The following TRAPPC10 variants were observed in gnomAD, a reference collection of about 807,000 sequenced individuals.
TRAPPC10 encodes TRAPP 130 kDa subunit.
In TRAPPC10, 23 loss-of-function variants were observed where a neutral mutation model predicts 125.5. That is an observed-to-expected ratio of 0.18 (90% confidence interval 0.13 to 0.26). The LOEUF (loss-of-function observed/expected upper bound fraction) is 0.26, where lower values mean the gene tolerates loss of function less well. Ranked by LOEUF, TRAPPC10 falls within the 10% of genes least tolerant of loss-of-function variation. The probability of loss-of-function intolerance (pLI) is 1.00; values close to 1 mark genes in which losing one functional copy is unlikely to be tolerated. For missense variants in TRAPPC10, 1,123 were observed against 1,308.4 expected, an observed-to-expected ratio of 0.86 and a Z score of 2.19; for synonymous variants, 509 against 518.0, an observed-to-expected ratio of 0.98 and a Z score of 0.24.
At position 44,067,189 on chromosome 21, in the gene TRAPPC10, G is replaced by A. The variant is rs982526941; in HGVS notation, c.1038+3404G>A. On this transcript the variant is annotated intron_variant, in intron 7 of 22. Coordinates refer to ENST00000291574, the MANE Select transcript of TRAPPC10 (RefSeq NM_003274.5). Reference sequence around the variant, plus strand: ...GAGGAACCGTGCATGGGACGCCGTCGGAGTTAGCTGGCCGGTTTGTGAACA... The same window carrying A: ...GAGGAACCGTGCATGGGACGCCGTCAGAGTTAGCTGGCCGGTTTGTGAACA... Among the ~76,000 whole-genome samples the A allele has an allele frequency of 3.3e-5, 5 of 152,194 alleles. No individual in the cohort carries two copies. In the South Asian group the frequency reaches 6.2e-4, roughly 19 times the overall value.
At chr21:44,062,881 T>C (rs1416786523) in intron 6 of TRAPPC10, 1 of 985,352 alleles carries the variant, frequency 1.0e-6, no homozygotes, top group Non-Finnish European at 1.2e-6. Context: ...AAGATTTTTT[T>C]CAATAATGAT....
chr21:44,061,812 T>G (rs2036079991), intron 6 of TRAPPC10, among the ~76,000 whole-genome samples: 2 of 152,204 alleles, frequency 1.3e-5, no homozygotes, highest in Non-Finnish European at 2.9e-5. Context: ...AATCACAGTT[T>G]CTAATTACCA....
chr21:44,027,214 G>A (rs749145382), intron 1 of TRAPPC10, among the ~76,000 whole-genome samples: 4 of 152,062 alleles, frequency 2.6e-5, no homozygotes, highest in Non-Finnish European at 5.9e-5. Flanking sequence ...TCTCCAAATA[G>A]AAGTATTGAC....
At chr21:44,045,712 C>G (rs916637217) in intron 3 of TRAPPC10, among the ~76,000 whole-genome samples, 1 of 151,954 alleles carries the variant, frequency 6.6e-6, no homozygotes, top group South Asian at 2.1e-4. Context: ...CCACCATGCC[C>G]AGCTAATTTT....
In TRAPPC10 at chr21:44,012,442, CTCGGGGCTGCCCATGGGGCGCGGGG is replaced by C; in HGVS notation, c.-51_-27del. On this transcript the variant is annotated 5_prime_UTR_variant, in exon 1 of 23. The change abolishes an upstream ATG in the 5' untranslated region. Transcript: ENST00000291574. Reference sequence around the variant, plus strand: ...GGGCTCCGGCTGGGCCCGGCGCGGCCTCGGGGCTGCCCATGGGGCGCGGGGGGCCGGGCCGGTGACGCCGGACGCC... The same window carrying C: ...GGGCTCCGGCTGGGCCCGGCGCGGCCGGCCGGGCCGGTGACGCCGGACGCC... 1 of 1,240,602 alleles carries C rather than the reference CTCGGGGCTGCCCATGGGGCGCGGGG, an allele frequency of 8.1e-7. No homozygotes were observed. The highest frequency in any genetic ancestry group is 4.4e-5 in the East Asian group (1 of 22,490). 76.8% of individuals were successfully genotyped at this position (1,240,602 alleles called of 1,614,324 possible).
intron 7 of TRAPPC10, among the ~76,000 whole-genome samples, chr21:44,070,543 G>C (rs955001460): frequency 6.6e-6 from 1 of 152,204 alleles, no homozygotes; most frequent in Non-Finnish European, 1.5e-5. Flanking sequence ...GCTGTGGCAT[G>C]CTGGGTGGCA....
At chr21:44,052,112 C>T (rs891907660) in intron 3 of TRAPPC10, among the ~76,000 whole-genome samples, 168 bp from the exon 4 acceptor site, 6 of 152,214 alleles carry the variant, frequency 3.9e-5, no homozygotes, top group Admixed American at 6.5e-5. Context: ...CCACAGAGCA[C>T]GCCCGCAGGC....
chr21:44,088,231 A>G (rs1166914580), intron 17 of TRAPPC10: 1 of 414,052 alleles, frequency 2.4e-6, no homozygotes, highest in African/African-American at 2.0e-5. Flanking sequence ...GGTCATGTCC[A>G]TTAGACCGGT....
intron 17 of TRAPPC10, 36 bp from the exon 18 acceptor site, chr21:44,089,797 G>A (rs984460171): frequency 3.9e-6 from 6 of 1,550,978 alleles, no homozygotes; most frequent in South Asian, 2.2e-5. Flanking sequence ...GTCCGTCGGC[G>A]AGTGGTCTGA....
intron 7 of TRAPPC10, among the ~76,000 whole-genome samples, chr21:44,065,861 C>CTAAATTTT (rs2036411858): frequency 6.6e-6 from 1 of 152,030 alleles, no homozygotes; most frequent in Non-Finnish European, 1.5e-5. Context: ...CTCCTTTTTT[C>CTAAATTTT]TAAATTTTTA....
At chr21:44,016,810 C>A (rs1402151277) in intron 1 of TRAPPC10, among the ~76,000 whole-genome samples, 1 of 152,156 alleles carries the variant, frequency 6.6e-6, no homozygotes, top group Non-Finnish European at 1.5e-5. Flanking sequence ...AGGCGCCCGC[C>A]ACCACGCCTG....
intron 1 of TRAPPC10, among the ~76,000 whole-genome samples, chr21:44,013,715 C>G (rs150058275): frequency 6.6e-6 from 1 of 151,908 alleles, no homozygotes; most frequent in Non-Finnish European, 1.5e-5. Context: ...GTCTCTTCTC[C>G]TCTCCTCCTC....
At chr21:44,040,491 G>T (rs1243979187) in intron 3 of TRAPPC10, among the ~76,000 whole-genome samples, 2 of 151,966 alleles carry the variant, frequency 1.3e-5, no homozygotes, top group Non-Finnish European at 1.5e-5. Context: ...CCACAGGCAT[G>T]CGCCCAGCTA....
chr21:44,061,341 G>A (rs1040028772), intron 6 of TRAPPC10, among the ~76,000 whole-genome samples: 13 of 151,838 alleles, frequency 8.6e-5, no homozygotes, highest in South Asian at 2.1e-4. Context: ...GGGTTTCACC[G>A]TGTTAGCCAG....
Position 44,082,075 on chromosome 21 carries a change from A to G in TRAPPC10, c.1724-713A>G, listed in dbSNP as rs1199257561. On this transcript the variant is annotated intron_variant, in intron 13 of 22. Transcript: ENST00000291574. The surrounding 1 kb of genome is among the most constrained non-coding windows in gnomAD (Gnocchi z 4.4). ...CTTGGTATCTCTATACGAATAAAAT[A>G]TTCCACAATCGTTTACTGTTTCTCA... is the stretch of plus-strand genomic sequence containing the variant. 6.6e-6 allele frequency among the ~76,000 whole-genome samples: 1 copy of G among 152,224 alleles called. No homozygotes were observed. The highest frequency in any genetic ancestry group is 2.4e-5 in the African/African-American group (1 of 41,448).
At chr21:44,061,229 C>T (rs535810970) in intron 6 of TRAPPC10, among the ~76,000 whole-genome samples, 12 of 152,168 alleles carry the variant, frequency 7.9e-5, no homozygotes, top group African/African-American at 1.7e-4. Context: ...CTCCGCCTCC[C>T]GGGTTCACGC....
At chr21:44,035,702 G>A (rs141883988) in intron 2 of TRAPPC10, among the ~76,000 whole-genome samples, 1 of 152,256 alleles carries the variant, frequency 6.6e-6, no homozygotes, top group East Asian at 1.9e-4. Flanking sequence ...GCTTGAACCT[G>A]GGAGGAGGAG....
intron 1 of TRAPPC10, among the ~76,000 whole-genome samples, chr21:44,030,817 A>T (rs2033513901): frequency 1.3e-5 from 2 of 152,222 alleles, no homozygotes; most frequent in African/African-American, 4.8e-5. Flanking sequence ...CAAGATAAAA[A>T]GTGATAAGTT....
chr21:44,080,026 C>T lies in TRAPPC10; in HGVS notation c.1622C>T (p.Thr541Ile), dbSNP rs2037576987. ...CCTCTCCGCTCCAGCTACCTGCAGA[C>T]CAGCAGCCTCTTAGCCAGTGACCAC... is the stretch of plus-strand genomic sequence containing the variant. The part of the protein sequence containing the change: ...HLGQIENYLQ[T>I]SSLLASDHHL... Residue 541 changes from threonine to isoleucine, a missense_variant, in exon 13 of 23, where the codon ACC becomes ATC. By Grantham distance (89) the Thr-to-Ile change is moderately conservative. Transcript: ENST00000291574. 6.2e-7 allele frequency: 1 copy of T among 1,614,140 alleles called. No homozygotes were observed. The highest frequency in any genetic ancestry group is 8.5e-7 in the Non-Finnish European group (1 of 1,180,008).
Sources: allele counts gnomAD v4.1 joint callset (sites outside exome capture counted in the v4.1 genomes callset), GRCh38; gene constraint gnomAD v4.1.1; non-coding constraint Gnocchi (gnomAD v3.1); transcripts MANE v1.5; gene names NCBI Gene and HGNC (gene_info 2026-07-23, HGNC 2026-07-21).